IP6K2: variants seen among roughly 807,000 people sequenced by gnomAD.
IP6K2 encodes ATP:1D-myo-inositol-hexakisphosphate phosphotransferase.
Under a neutral mutation model 43.3 loss-of-function variants are expected in IP6K2, and 9 were observed. The observed-to-expected ratio is 0.21, with a 90% CI of 0.13 to 0.36. IP6K2 has a LOEUF of 0.36. IP6K2 is among the 10% of genes least tolerant of loss of function. The pLI is 1.00. For missense variants in IP6K2, 332 were observed against 538.4 expected (o/e 0.62, Z 3.79); for synonymous variants, 209 against 202.4 (o/e 1.03, Z -0.28).
chr3:48,698,022 C>T (rs1433504834), intron 1 of IP6K2, among the ~76,000 whole-genome samples: 3 of 152,176 alleles, frequency 2.0e-5, no homozygotes, highest in Non-Finnish European at 4.4e-5. Context: ...TTGGCACTAC[C>T]TTCTCATCAC....
chr3:48,704,476 C>CTTT (rs36076263), intron 1 of IP6K2, among the ~76,000 whole-genome samples: 10 of 146,234 alleles, frequency 6.8e-5, no homozygotes, highest in African/African-American at 2.0e-4. Flanking sequence ...TTATGATACA[C>CTTT]TTTTTTTTTT....
intron 1 of IP6K2, among the ~76,000 whole-genome samples, chr3:48,709,048 A>G (rs568020189): frequency 6.6e-6 from 1 of 152,348 alleles, no homozygotes; most frequent in Non-Finnish European, 1.5e-5. Flanking sequence ...CAGCCCGGTG[A>G]CAGAGCGAGA....
At chr3:48,698,338 G>T (rs1165528855) in intron 1 of IP6K2, among the ~76,000 whole-genome samples, 3 of 152,162 alleles carry the variant, frequency 2.0e-5, no homozygotes, top group Admixed American at 1.3e-4. Context: ...TGCTCCTCAT[G>T]GGCCAGGCTT....
Position 48,695,339 on chromosome 3 carries a change from C to T in IP6K2, c.-48G>A, listed in dbSNP as rs752539825. On this transcript the variant is annotated 5_prime_UTR_variant, in exon 2 of 6. Transcript: ENST00000328631. The surrounding 1 kb of genome is among the most constrained non-coding windows in gnomAD (Gnocchi z 4.6). Reference sequence around the variant, plus strand: ...AGATGGGGGAGGCAGCGGAGTCCAGCGGCCAGTACGTCTTCTGTCTGTTGT... The same window carrying T: ...AGATGGGGGAGGCAGCGGAGTCCAGTGGCCAGTACGTCTTCTGTCTGTTGT... The T allele has an allele frequency of 3.7e-5, 58 of 1,568,440 alleles. No individual in the cohort carries two copies. The highest frequency in any genetic ancestry group is 1.7e-4 in the Middle Eastern group (1 of 5,892).
Position 48,693,062 on chromosome 3 carries a change from T to C in IP6K2, c.320A>G (p.Lys107Arg). The change falls in exon 3 of 6, where the codon AAA (lysine) becomes AGA (arginine). Residue 107 changes from lysine to arginine, a missense_variant. Physicochemically the swap from Lys to Arg is conservative, Grantham distance 26 (BLOSUM62 2). Transcript: ENST00000328631. ...TGTTGTCCACCTTAGGAGCTTACTT[T>C]TTGGTTCACAGTCTGAATTATCTAC... is the stretch of plus-strand genomic sequence containing the variant. Reference protein sequence around the residue: ...DIVDNSDCEPKSKLLRWTTNK... With the variant: ...DIVDNSDCEPRSKLLRWTTNK... 1 of 1,614,246 alleles carries C rather than the reference T, an allele frequency of 6.2e-7. No individual in the cohort carries two copies. Among genetic ancestry groups the C allele is most frequent in the South Asian group, 1.1e-5 (1 of 91,088 alleles).
At chr3:48,693,254 T>C in intron 2 of IP6K2, 75 bp from the exon 3 acceptor site, 1 of 1,376,142 alleles carries the variant, frequency 7.3e-7, no homozygotes, top group Admixed American at 1.7e-5. Context: ...GATTGTAACA[T>C]TTGTTTTTTT....
In IP6K2 at chr3:48,715,662, T is replaced by C. The variant is rs543796626; in HGVS notation, c.-131+1495A>G. On this transcript the variant is annotated intron_variant, in intron 1 of 5. Transcript: ENST00000328631. ...CAAACAAAAAGCTAGTTTCTACAAT[T>C]GTATTAACTCTAGTCAGTGTTCTTA... 3.2e-5 allele frequency: 19 copies of C among 586,498 alleles called. No homozygotes were observed. In the East Asian group the frequency reaches 5.1e-4, roughly 16 times the overall value. The allele number at this position is 586,498 out of a possible 1,614,324, so 36.3% of individuals were successfully genotyped here. A position where few individuals can be genotyped will look rare whatever the true frequency, so the allele number is the denominator to read the frequency against.
Position 48,688,911 on chromosome 3 carries a change from T to C in IP6K2, c.781-138A>G. ...AGTACACCAGTTGCACATGAGCCAC[T>C]GTCCACTATGCTCTCTGATCAGCCC... On this transcript the variant is annotated intron_variant, in intron 5 of 5. Coordinates refer to ENST00000328631, the MANE Select transcript of IP6K2 (RefSeq NM_016291.4). The surrounding 1 kb of genome is among the most constrained non-coding windows in gnomAD (Gnocchi z 5.1). 1.1e-6 allele frequency: 1 copy of C among 916,520 alleles called. No homozygotes were observed. The highest frequency in any genetic ancestry group is 1.7e-5 in the South Asian group (1 of 58,796). 56.8% of individuals were successfully genotyped at this position (916,520 alleles called of 1,614,324 possible).
chr3:48,710,059 G>T (rs903011105), intron 1 of IP6K2, among the ~76,000 whole-genome samples: 17 of 152,156 alleles, frequency 1.1e-4, no homozygotes, highest in Non-Finnish European at 2.2e-4. Context: ...CACCCAGTTT[G>T]TGAGGAAAGC....
At chr3:48,696,456 G>C (rs73830478) in intron 1 of IP6K2, among the ~76,000 whole-genome samples, 3,177 of 152,162 alleles carry the variant, frequency 0.021, 131 homozygotes, top group African/African-American at 0.073. Context: ...GTTCTATCCT[G>C]ATCACCAAAA....
chr3:48,695,019 G>A lies in IP6K2; in HGVS notation c.202+71C>T. On this transcript the variant is annotated intron_variant, in intron 2 of 5. Transcript: ENST00000328631. This position sits in a 1 kb window ranked among gnomAD's most constrained non-coding sequence, Gnocchi z 4.6. ...GTGAGGGCTCCAGGGATGGCTGCCA[G>A]GGCCTTCCATGGCCACGATCTCTCA... 6.2e-7 allele frequency: 1 copy of A among 1,613,696 alleles called. No individual in the cohort carries two copies. The highest frequency in any genetic ancestry group is 1.1e-5 in the South Asian group (1 of 91,062).
intron 2 of IP6K2, chr3:48,693,618 T>C: frequency 1.7e-6 from 2 of 1,147,352 alleles, no homozygotes; most frequent in Non-Finnish European, 2.2e-6. Flanking sequence ...GAACACAGGT[T>C]TGCCTGAGGG....
At chr3:48,701,085 C>T (rs1575667300) in intron 1 of IP6K2, among the ~76,000 whole-genome samples, 1 of 152,148 alleles carries the variant, frequency 6.6e-6, no homozygotes, top group South Asian at 2.1e-4. Flanking sequence ...GGAATGACAA[C>T]GTGGCTGGGC....
intron 1 of IP6K2, among the ~76,000 whole-genome samples, chr3:48,706,856 C>T (rs2106982672): frequency 6.6e-6 from 1 of 152,100 alleles, no homozygotes; most frequent in South Asian, 2.1e-4. Flanking sequence ...CAAAATGCTG[C>T]CCCAAAATGT....
intron 1 of IP6K2, among the ~76,000 whole-genome samples, chr3:48,712,809 G>A (rs917898592): frequency 6.6e-5 from 10 of 152,006 alleles, no homozygotes; most frequent in African/African-American, 2.2e-4. Context: ...TTGAGGTCAG[G>A]AGTTCGAGAC....
intron 1 of IP6K2, among the ~76,000 whole-genome samples, chr3:48,703,022 A>G (rs2079240416): frequency 6.6e-6 from 1 of 152,258 alleles, no homozygotes; most frequent in Admixed American, 6.5e-5. Context: ...TGCACACTTT[A>G]CAAAATGCAT....
chr3:48,703,947 C>T (rs186589870), intron 1 of IP6K2, among the ~76,000 whole-genome samples: 4 of 151,938 alleles, frequency 2.6e-5, no homozygotes, highest in South Asian at 2.1e-4. Context: ...CAAAAATTAG[C>T]CAGGCATGGT....
At position 48,695,877 on chromosome 3, in the gene IP6K2, ATT is replaced by A. The variant is rs2078287049; in HGVS notation, c.-130-458_-130-457del. ...TATATAAAATAAATATATATATATA[ATT>A]TTTTAATATATATAATTTTTTTTTG... On this transcript the variant is annotated intron_variant, in intron 1 of 5. Transcript: ENST00000328631. This position sits in a 1 kb window ranked among gnomAD's most constrained non-coding sequence, Gnocchi z 4.6. 6.8e-6 allele frequency among the ~76,000 whole-genome samples: 1 copy of A among 147,150 alleles called. No homozygotes were observed. Among genetic ancestry groups the A allele is most frequent in the Admixed American group, 6.8e-5 (1 of 14,668 alleles).
At chr3:48,694,084 C>A in intron 2 of IP6K2, 1 of 1,472,374 alleles carries the variant, frequency 6.8e-7, no homozygotes, top group South Asian at 1.4e-5. Context: ...AATGCGTGCT[C>A]AGAGAGAGAT....
Sources: allele counts gnomAD v4.1 joint callset (sites outside exome capture counted in the v4.1 genomes callset), GRCh38; gene constraint gnomAD v4.1.1; non-coding constraint Gnocchi (gnomAD v3.1); transcripts MANE v1.5; gene names NCBI Gene and HGNC (gene_info 2026-07-23, HGNC 2026-07-21).